MAD1L1: variants seen among roughly 807,000 people sequenced by gnomAD.
MAD1L1 encodes the protein mitotic arrest deficient 1 like 1.
Under a neutral mutation model 96.9 loss-of-function variants are expected in MAD1L1, and 95 were observed. The ratio of observed to expected loss-of-function variants is 0.98; its 90% CI spans 0.83 to 1.16. The LOEUF (loss-of-function observed/expected upper bound fraction) is 1.16, where lower values mean the gene tolerates loss of function less well. MAD1L1 is among the 50% of genes most tolerant of loss of function. The pLI, the probability that MAD1L1 is intolerant of heterozygous loss-of-function variation, is 0.00. For missense variants in MAD1L1, 1,007 were observed against 954.4 expected (o/e 1.06, Z -0.73); for synonymous variants, 473 against 396.6 (o/e 1.19, Z -2.29).
intron 12 of MAD1L1, among the ~76,000 whole-genome samples, chr7:2,041,596 G>A (rs989692944): frequency 5.9e-5 from 9 of 152,142 alleles, no homozygotes; most frequent in African/African-American, 1.4e-4. Flanking sequence ...TGTCAGCAGC[G>A]ACTGAATAAA....
intron 11 of MAD1L1, among the ~76,000 whole-genome samples, chr7:2,113,595 A>C (rs1179505091): frequency 6.6e-6 from 1 of 152,138 alleles, no homozygotes; most frequent in Non-Finnish European, 1.5e-5. Flanking sequence ...AATAAAATAA[A>C]ATAAATAGGA....
chr7:2,082,680 AAAG>A (rs1319652218), intron 11 of MAD1L1, among the ~76,000 whole-genome samples: 6 of 152,224 alleles, frequency 3.9e-5, no homozygotes, highest in Non-Finnish European at 8.8e-5. Context: ...CAAATAGTTA[AAAG>A]AAGAGGCAAA....
chr7:1,987,319 C>T (rs569686934), intron 14 of MAD1L1, among the ~76,000 whole-genome samples: 4 of 152,354 alleles, frequency 2.6e-5, no homozygotes, highest in East Asian at 1.9e-4. Flanking sequence ...GGCACACAGT[C>T]GGTGCTTGGA....
intron 10 of MAD1L1, among the ~76,000 whole-genome samples, chr7:2,199,619 A>G (rs1792175536): frequency 6.6e-6 from 1 of 152,262 alleles, no homozygotes; most frequent in African/African-American, 2.4e-5. Flanking sequence ...GCGCCCCCGC[A>G]GTGCCCCGCC....
At chr7:1,923,299 C>A (rs1236157623) in intron 17 of MAD1L1, among the ~76,000 whole-genome samples, 3 of 152,200 alleles carry the variant, frequency 2.0e-5, no homozygotes, top group Admixed American at 6.5e-5. Context: ...CTGGTGCTAC[C>A]CAGTCTGGAC....
chr7:1,949,368 G>A (rs1562553943), intron 16 of MAD1L1, among the ~76,000 whole-genome samples: 1 of 152,172 alleles, frequency 6.6e-6, no homozygotes, highest in African/African-American at 2.4e-5. Flanking sequence ...AACCAAAGAC[G>A]TGGATCTCCT....
chr7:1,928,243 C>G (rs1180471182), intron 17 of MAD1L1, among the ~76,000 whole-genome samples: 3 of 151,198 alleles, frequency 2.0e-5, no homozygotes, highest in Non-Finnish European at 4.4e-5. Context: ...ACGCCAGACA[C>G]TGCTCCCCAC....
At chr7:2,083,008 G>C (rs3800890) in intron 11 of MAD1L1, among the ~76,000 whole-genome samples, 4 of 151,998 alleles carry the variant, frequency 2.6e-5, no homozygotes, top group Non-Finnish European at 4.4e-5. Context: ...TCCCCTGCCC[G>C]TCAATCAGGA....
At chr7:2,107,592 C>T (rs1787167762) in intron 11 of MAD1L1, 1 of 152,430 alleles carries the variant, frequency 6.6e-6, no homozygotes, top group Admixed American at 6.5e-5. Context: ...CCCAGCAGCT[C>T]GTCTGTCCCG....
chr7:1,889,229 C>T (rs879717072), intron 18 of MAD1L1, among the ~76,000 whole-genome samples: 1 of 152,220 alleles, frequency 6.6e-6, no homozygotes, highest in Non-Finnish European at 1.5e-5. Flanking sequence ...AGTTCTGGCC[C>T]GGGTCCAGTC....
chr7:1,932,852 G>T (rs1789560112), intron 17 of MAD1L1, among the ~76,000 whole-genome samples: 1 of 152,178 alleles, frequency 6.6e-6, no homozygotes, highest in South Asian at 2.1e-4. Flanking sequence ...TACCTCTAAT[G>T]TTCTTACTTC....
intron 13 of MAD1L1, among the ~76,000 whole-genome samples, chr7:2,013,461 A>C (rs1229911338): frequency 1.3e-5 from 2 of 152,120 alleles, no homozygotes; most frequent in Non-Finnish European, 1.5e-5. Context: ...GCGGTGTCAC[A>C]CACCAGCTCG....
intron 12 of MAD1L1, among the ~76,000 whole-genome samples, chr7:2,043,646 G>A (rs1414972922): frequency 6.6e-6 from 1 of 152,180 alleles, no homozygotes; most frequent in Non-Finnish European, 1.5e-5. Flanking sequence ...GGGCCTGGGG[G>A]GGCTGGGGAT....
intron 16 of MAD1L1, among the ~76,000 whole-genome samples, chr7:1,939,911 C>A (rs1167240804): frequency 6.6e-6 from 1 of 152,236 alleles, no homozygotes; most frequent in African/African-American, 2.4e-5. Context: ...GGTCCCAGAG[C>A]CCAGAATGTG....
intron 12 of MAD1L1, among the ~76,000 whole-genome samples, chr7:2,016,570 G>C (rs1401901614): frequency 4.6e-5 from 7 of 152,180 alleles, no homozygotes; most frequent in Admixed American, 2.0e-4. Flanking sequence ...CCCCTGCCAG[G>C]CCCTCGGTCT....
intron 11 of MAD1L1, among the ~76,000 whole-genome samples, chr7:2,116,043 C>T (rs986853379): frequency 6.6e-6 from 1 of 152,232 alleles, no homozygotes; most frequent in Non-Finnish European, 1.5e-5. Context: ...ACCACACTCC[C>T]TAACCCGAAT....
At position 1,929,724 on chromosome 7, in the gene MAD1L1, C is replaced by CGT. The variant is rs1554297827; in HGVS notation, c.1807+6962_1807+6963insAC. Among the ~76,000 whole-genome samples the CGT allele has an allele frequency of 5.7e-3, 645 of 113,642 alleles. 6 individuals carry two copies. The highest frequency in any genetic ancestry group is 0.019 in the Middle Eastern group (3 of 162). 74.6% of individuals were successfully genotyped at this position (113,642 alleles called of 152,430 possible). On this transcript the variant is annotated intron_variant, in intron 17 of 18. Transcript: ENST00000265854. Reference sequence around the variant, plus strand: ...CCCGCTGCCACGTCCCCTCGCCCATCCCCCACTGCCACGTCCCCTCGCCCC... The same window carrying CGT: ...CCCGCTGCCACGTCCCCTCGCCCATCGTCCCCACTGCCACGTCCCCTCGCCCC...
intron 14 of MAD1L1, among the ~76,000 whole-genome samples, chr7:1,997,247 A>G (rs1417158137): frequency 1.3e-5 from 2 of 152,214 alleles, no homozygotes; most frequent in East Asian, 3.8e-4. Flanking sequence ...GGGTTGGAAA[A>G]TAGCAGGTAA....
Position 2,088,850 on chromosome 7 carries a change from T to G in MAD1L1, c.1074-19512A>C, listed in dbSNP as rs1027355141. ...GGAGTTGTGAAGGTTCACACAGGGC[T>G]GGTGCTCACCCTCTGCCACCGACCC... On this transcript the variant is annotated intron_variant, in intron 11 of 18. Coordinates refer to ENST00000265854, the MANE Select transcript of MAD1L1 (RefSeq NM_001013836.2). The surrounding 1 kb of genome is among the most constrained non-coding windows in gnomAD (Gnocchi z 4.4). 1 of 152,346 alleles carries G rather than the reference T, an allele frequency of 6.6e-6. No homozygotes were observed. Among genetic ancestry groups the G allele is most frequent in the African/African-American group, 2.4e-5 (1 of 41,456 alleles). 9.4% of individuals were successfully genotyped at this position (152,346 alleles called of 1,614,324 possible).
Sources: gnomAD v4.1 joint callset for allele counts (sites outside exome capture counted in the v4.1 genomes callset) on GRCh38, gnomAD v4.1.1 for gene constraint, Gnocchi (gnomAD v3.1) non-coding constraint, MANE v1.5 for transcripts, NCBI Gene and HGNC (gene_info 2026-07-23, HGNC 2026-07-21) for gene names.